The following IQCE variants were observed in gnomAD, a reference collection of about 807,000 sequenced individuals.
IQCE encodes IQ motif containing E.
A neutral mutation model predicts 96.0 loss-of-function variants in IQCE; 115 were observed. That is an observed-to-expected ratio of 1.20 (90% CI 1.03 to 1.40). The LOEUF (loss-of-function observed/expected upper bound fraction) is 1.40, where lower values mean the gene tolerates loss of function less well. IQCE is among the 40% of genes most tolerant of loss of function. The pLI is 0.00. For synonymous variants in IQCE, 412 were observed against 371.2 expected (o/e 1.11, Z -1.26); for missense variants, 1,041 against 909.1 (o/e 1.15, Z -1.87).
At chr7:2,594,150 C>T (rs972909967) in intron 15 of IQCE, among the ~76,000 whole-genome samples, 3 of 152,190 alleles carry the variant, frequency 2.0e-5, no homozygotes, top group African/African-American at 7.2e-5. Context: ...ATCCCAGCTA[C>T]TTGGGAGGCT....
At chr7:2,560,446 C>T (rs1780859933) in intron 1 of IQCE, among the ~76,000 whole-genome samples, 2 of 152,308 alleles carry the variant, frequency 1.3e-5, no homozygotes, top group Middle Eastern at 3.4e-3. Flanking sequence ...GGGTTCAGCA[C>T]AGCTGCACCC....
At chr7:2,581,709 TTC>T (rs1491316175) in intron 8 of IQCE, among the ~76,000 whole-genome samples, 1 of 127,612 alleles carries the variant, frequency 7.8e-6, no homozygotes, top group Non-Finnish European at 1.7e-5. Flanking sequence ...GAAAAGAATG[TTC>T]TTTTTTTTTT....
chr7:2,607,908 C>G (rs146209049), intron 21 of IQCE, among the ~76,000 whole-genome samples: 224 of 152,334 alleles, frequency 1.5e-3, no homozygotes, highest in Middle Eastern at 6.8e-3. Context: ...GAAGGGCAGC[C>G]TTAAGACCCT....
At chr7:2,606,076 T>G (rs1227422319) in intron 20 of IQCE, 79 bp downstream of exon 20, 1 of 1,455,610 alleles carries the variant, frequency 6.9e-7, no homozygotes, top group Non-Finnish European at 9.1e-7. Flanking sequence ...GAGCACTGGG[T>G]GCAGGGCATG....
chr7:2,593,879 C>T (rs1194848180), intron 15 of IQCE, among the ~76,000 whole-genome samples: 1 of 152,186 alleles, frequency 6.6e-6, no homozygotes, highest in Non-Finnish European at 1.5e-5. Flanking sequence ...TGAGTCTTAA[C>T]TTTTTAAAAT....
At chr7:2,575,638 T>C (rs570744909) in intron 6 of IQCE, among the ~76,000 whole-genome samples, 1 of 152,304 alleles carries the variant, frequency 6.6e-6, no homozygotes, top group South Asian at 2.1e-4. Context: ...TTTTCCGTGG[T>C]CTGCCTGGGG....
At chr7:2,581,754 C>G (rs11770703) in intron 8 of IQCE, among the ~76,000 whole-genome samples, 84,851 of 147,862 alleles carry the variant, frequency 0.57, 24,552 homozygotes, top group South Asian at 0.62. Context: ...CTGTCACCCA[C>G]GCTGGAGTGC....
chr7:2,595,521 G>A (rs1197198753), intron 16 of IQCE, among the ~76,000 whole-genome samples: 3 of 152,184 alleles, frequency 2.0e-5, no homozygotes, highest in Non-Finnish European at 4.4e-5. Flanking sequence ...CTAGATGGAT[G>A]CTCTCCTGCC....
Position 2,579,498 on chromosome 7 carries a change from A to G in IQCE, c.630+972A>G, listed in dbSNP as rs1464994166. Among the ~76,000 whole-genome samples the G allele has an allele frequency of 2.2e-4, 33 of 152,186 alleles. 1 individual carries two copies. Among genetic ancestry groups the G allele is most frequent in the Admixed American group, 2.2e-3 (33 of 15,276 alleles). On this transcript the variant is annotated intron_variant, in intron 8 of 21. Transcript: ENST00000402050. Reference sequence around the variant, plus strand: ...TTAGAAAATACAAAAAAAACTATAAATCTCTAAAGAAAAAAGGCCGTGTCC... The same window carrying G: ...TTAGAAAATACAAAAAAAACTATAAGTCTCTAAAGAAAAAAGGCCGTGTCC...
intron 8 of IQCE, among the ~76,000 whole-genome samples, chr7:2,579,576 G>T (rs1782491977): frequency 6.6e-6 from 1 of 152,218 alleles, no homozygotes; most frequent in Admixed American, 6.5e-5. Flanking sequence ...ATCATTACAT[G>T]TTTAAAGTAG....
intron 3 of IQCE, 119 bp from the exon 4 acceptor site, chr7:2,571,407 T>G (rs528094160): frequency 7.9e-7 from 1 of 1,270,822 alleles, no homozygotes; most frequent in East Asian, 2.3e-5. Flanking sequence ...GCCAGAATGT[T>G]TGACTAGAGT....
rs1182524365 is a variant in IQCE, at chr7:2,610,156, A to C, written c.2082A>C (p.Pro694=). The C allele has an allele frequency of 3.2e-6, 5 of 1,585,720 alleles. No homozygotes were observed. Among genetic ancestry groups the C allele is most frequent in the Non-Finnish European group, 4.3e-6 (5 of 1,154,032 alleles). ...IAPSLPTKNF[P]V Reference sequence around the variant, plus strand: ...CGTCTCTGCCCACGAAGAACTTTCCAGTTTAGGTCCCCGTCACTGTCTCCA... The same window carrying C: ...CGTCTCTGCCCACGAAGAACTTTCCCGTTTAGGTCCCCGTCACTGTCTCCA... The change falls in exon 22 of 22, where the codon CCA becomes CCC. Residue 694 remains proline, a synonymous_variant. Transcript: ENST00000402050.
At chr7:2,573,520 A>T (rs1488935898) in intron 6 of IQCE, 32 bp downstream of exon 6, 9 of 1,166,196 alleles carry the variant, frequency 7.7e-6, no homozygotes, top group Non-Finnish European at 9.0e-6. Context: ...TATTGATTTG[A>T]AACGGTGAAA....
At position 2,610,033 on chromosome 7, in the gene IQCE, CATTT is replaced by C; in HGVS notation, c.1970-10_1970-7del. The C allele has an allele frequency of 6.8e-7, 1 of 1,477,980 alleles. No homozygotes were observed. 91.6% of individuals were successfully genotyped at this position (1,477,980 alleles called of 1,614,324 possible). Reference sequence around the variant, plus strand: ...GTGGCTGACCCCTCTCCCTGTGGTTCATTTCTGCAGACCCCTCTCCCTCAGGGCC... The same window carrying C: ...GTGGCTGACCCCTCTCCCTGTGGTTCCTGCAGACCCCTCTCCCTCAGGGCC... On this transcript the variant is annotated splice_polypyrimidine_tract_variant and splice_region_variant and intron_variant, in intron 21 of 21. Coordinates refer to ENST00000402050, the MANE Select transcript of IQCE (RefSeq NM_152558.5).
At chr7:2,562,432 C>T (rs1469746653) in intron 1 of IQCE, among the ~76,000 whole-genome samples, 2 of 151,864 alleles carry the variant, frequency 1.3e-5, no homozygotes, top group East Asian at 1.9e-4. Context: ...TAATATAGGT[C>T]TCATAGAATG....
At chr7:2,593,563 T>TG (rs1219013573) in intron 15 of IQCE, among the ~76,000 whole-genome samples, 1 of 152,114 alleles carries the variant, frequency 6.6e-6, no homozygotes, top group Non-Finnish European at 1.5e-5. Flanking sequence ...AGGCGCAGAG[T>TG]GGACGGAAGC....
At chr7:2,607,729 C>T (rs1294064237) in intron 21 of IQCE, among the ~76,000 whole-genome samples, 4 of 152,242 alleles carry the variant, frequency 2.6e-5, no homozygotes, top group East Asian at 3.9e-4. Flanking sequence ...AAGTAGAGAA[C>T]GGGCTAGACA....
chr7:2,559,924 C>T (rs1780813948), intron 1 of IQCE, among the ~76,000 whole-genome samples: 1 of 152,182 alleles, frequency 6.6e-6, no homozygotes, highest in Non-Finnish European at 1.5e-5. Context: ...TCTGGGAAGC[C>T]GAGATGGGAG....
chr7:2,614,198 C>CTTGGCTGCAT lies in IQCE; in HGVS notation c.*4039_*4048dup, dbSNP rs1785210377. 2 of 152,214 alleles carry CTTGGCTGCAT rather than the reference C, an allele frequency of 1.3e-5. No individual in the cohort carries two copies. Among genetic ancestry groups the CTTGGCTGCAT allele is most frequent in the Admixed American group, 1.3e-4 (2 of 15,290 alleles). 9.4% of individuals were successfully genotyped at this position (152,214 alleles called of 1,614,324 possible). A position where few individuals can be genotyped will look rare whatever the true frequency, so the allele number is the denominator to read the frequency against. On this transcript the variant is annotated 3_prime_UTR_variant, in exon 22 of 22. Transcript: ENST00000402050. ...ATCCACCAAGATAAGCACAGCAAAG[C>CTTGGCTGCAT]TTGGCTGCATTTTTGAGGAATAAAA...
Sources: gnomAD v4.1 joint callset for allele counts (sites outside exome capture counted in the v4.1 genomes callset) on GRCh38, gnomAD v4.1.1 for gene constraint, MANE v1.5 for transcripts, NCBI Gene and HGNC (gene_info 2026-07-23, HGNC 2026-07-21) for gene names.